Variants in NLGN2 observed in about 807,000 individuals in gnomAD.
NLGN2 encodes the protein neuroligin-2.
Under a neutral mutation model 48.6 loss-of-function variants are expected in NLGN2, and 11 were observed. That is an observed-to-expected ratio of 0.23 (90% CI 0.14 to 0.37). The LOEUF is 0.37. Among genes scored for constraint, NLGN2 ranks in the 10% least tolerant of loss-of-function variants. NLGN2 has a pLI of 1.00. For missense variants in NLGN2, 801 were observed against 1,225.2 expected (o/e 0.65, Z 5.17); for synonymous variants, 548 against 550.0 (o/e 1.00, Z 0.05).
intron 1 of NLGN2, among the ~76,000 whole-genome samples, chr17:7,410,824 GCA>G (rs138952410): frequency 8.5e-5 from 13 of 152,194 alleles, no homozygotes; most frequent in South Asian, 2.1e-4. Flanking sequence ...GCGCGCGCGC[GCA>G]CACACACACG....
Position 7,418,116 on chromosome 17 carries a change from T to G in NLGN2, c.*317T>G. On this transcript the variant is annotated 3_prime_UTR_variant, in exon 7 of 7. Transcript: ENST00000302926. ...TCTCACAACGGGGTGTGTTTTCCCATGTGCAGGGTGAGGTTTTTTTTTGCC... is the reference window on the plus strand; with the variant it reads ...TCTCACAACGGGGTGTGTTTTCCCAGGTGCAGGGTGAGGTTTTTTTTTGCC... 1.0e-5 allele frequency: 2 copies of G among 190,532 alleles called. No homozygotes were observed. Among genetic ancestry groups the G allele is most frequent in the South Asian group, 1.9e-4 (1 of 5,198 alleles). The allele number at this position is 190,532 out of a possible 1,614,324, so 11.8% of individuals were successfully genotyped here.
Position 7,408,861 on chromosome 17 carries a change from C to A in NLGN2, c.457+149C>A. The A allele has an allele frequency of 7.1e-7, 1 of 1,417,936 alleles. No individual in the cohort carries two copies. Among genetic ancestry groups the A allele is most frequent in the Non-Finnish European group, 9.7e-7 (1 of 1,034,430 alleles). 87.8% of individuals were successfully genotyped at this position (1,417,936 alleles called of 1,614,324 possible). A position where few individuals can be genotyped will look rare whatever the true frequency, so the allele number is the denominator to read the frequency against. On this transcript the variant is annotated intron_variant, in intron 1 of 6. Coordinates refer to ENST00000302926, the MANE Select transcript of NLGN2 (RefSeq NM_020795.4). The surrounding 1 kb of genome is among the most constrained non-coding windows in gnomAD (Gnocchi z 7.5). ...GGAGTGTCCCTGCAACCTCTACGTGCCCCCTGAGGATTGTAAGGGTGCCTC... is the reference window on the plus strand; with the variant it reads ...GGAGTGTCCCTGCAACCTCTACGTGACCCCTGAGGATTGTAAGGGTGCCTC...
At chr17:7,410,815 C>T (rs570729094) in intron 1 of NLGN2, among the ~76,000 whole-genome samples, 14 of 151,104 alleles carry the variant, frequency 9.3e-5, no homozygotes, top group Admixed American at 2.6e-4. Flanking sequence ...TTGACTCAGG[C>T]GCGCGCGCGC....
At chr17:7,409,740 G>A (rs1906799410) in intron 1 of NLGN2, among the ~76,000 whole-genome samples, 1 of 152,058 alleles carries the variant, frequency 6.6e-6, no homozygotes, top group Non-Finnish European at 1.5e-5. Flanking sequence ...TCCACGGCAT[G>A]TGCTCAAGTC....
At position 7,408,076 on chromosome 17, in the gene NLGN2, G is replaced by C; in HGVS notation, c.-180G>C. On this transcript the variant is annotated 5_prime_UTR_variant, in exon 1 of 7. Coordinates refer to ENST00000302926, the MANE Select transcript of NLGN2 (RefSeq NM_020795.4). This position sits in a 1 kb window ranked among gnomAD's most constrained non-coding sequence, Gnocchi z 7.5. ...CCCCACCCCGTGCCCCCTCCATGGA[G>C]AGGAACAGACCCCTTCTCTGTCCAG... 2.7e-6 allele frequency: 1 copy of C among 374,998 alleles called. No homozygotes were observed. Among genetic ancestry groups the C allele is most frequent in the Non-Finnish European group, 4.7e-6 (1 of 212,638 alleles). 23.2% of individuals were successfully genotyped at this position (374,998 alleles called of 1,614,324 possible).
chr17:7,417,043 C>A lies in NLGN2; in HGVS notation c.1752C>A (p.Gly584=), dbSNP rs1259513731. 1.2e-6 allele frequency: 2 copies of A among 1,614,034 alleles called. No individual in the cohort carries two copies. Among genetic ancestry groups the A allele is most frequent in the African/African-American group, 2.7e-5 (2 of 74,946 alleles). The change falls in exon 7 of 7, where the codon GGC becomes GGA. Residue 584 remains glycine, a synonymous_variant. Transcript: ENST00000302926. ...NSKEKQYLHI[G]LKPRVRDNYR... is the part of the protein sequence containing the mutation. ...AGGAGAAGCAGTATCTGCACATAGG[C>A]CTGAAGCCACGCGTGCGTGACAACT...
At chr17:7,406,799 G>C (rs1346615825), upstream of NLGN2, among the ~76,000 whole-genome samples, 1 of 152,122 alleles carries the variant, frequency 6.6e-6, no homozygotes, top group Non-Finnish European at 1.5e-5. Context: ...TGAATGGATG[G>C]GTTGGGATGG....
At chr17:7,410,502 T>G (rs1906838220) in intron 1 of NLGN2, among the ~76,000 whole-genome samples, 1 of 151,670 alleles carries the variant, frequency 6.6e-6, no homozygotes, top group African/African-American at 2.4e-5. Context: ...CATGAGTCCT[T>G]CACCTCAGCA....
rs777369347 is a variant in NLGN2 at position 7,412,196 on chromosome 17, C to T, written c.497C>T (p.Pro166Leu). The T allele has an allele frequency of 6.2e-6, 10 of 1,612,616 alleles. No individual in the cohort carries two copies. Among genetic ancestry groups the T allele is most frequent in the African/African-American group, 1.3e-5 (1 of 74,714 alleles). Residue 166 changes from proline (P) to leucine (L), a missense_variant, in exon 2 of 7, where the codon CCG becomes CTG. This residue lies in a region of NLGN2 where 56 missense variants were observed against 100.0 expected (regional missense o/e 0.56). Transcript: ENST00000302926. The stretch of plus-strand genomic sequence containing the variant: ...AAACGTGACGAGGCGACGCTCAATC[C>T]GCCAGACACAGGTAGATTTAAAAAT... Reference protein sequence around the residue: ...TKKRDEATLNPPDTDIRDPGK... With the variant: ...TKKRDEATLNLPDTDIRDPGK...
At chr17:7,407,266 G>T (rs1567658653), upstream of NLGN2, among the ~76,000 whole-genome samples, 1 of 152,148 alleles carries the variant, frequency 6.6e-6, no homozygotes, top group African/African-American at 2.4e-5. Context: ...CCCGGCAACC[G>T]GCTGCAGGAT....
chr17:7,405,122 G>A (rs574304418), upstream of NLGN2: 2 of 152,162 alleles, frequency 1.3e-5, no homozygotes, highest in South Asian at 4.1e-4. The surrounding 1 kb of genome is among the most constrained non-coding windows in gnomAD (Gnocchi z 6.8). Context: ...CCGCCCTCGG[G>A]ATCGACTAGA....
In NLGN2 at chr17:7,417,838, G is replaced by T; in HGVS notation, c.*39G>T. ...AGGCCCTCCTCCCCGGCCCTCCCTG[G>T]CCCGGCCACTCCGAAGGCAGGGAGG... On this transcript the variant is annotated 3_prime_UTR_variant, in exon 7 of 7. Coordinates refer to ENST00000302926, the MANE Select transcript of NLGN2 (RefSeq NM_020795.4). The T allele has an allele frequency of 1.5e-6, 2 of 1,350,286 alleles. No homozygotes were observed. Among genetic ancestry groups the T allele is most frequent in the Non-Finnish European group, 1.9e-6 (2 of 1,058,938 alleles). 83.6% of individuals were successfully genotyped at this position (1,350,286 alleles called of 1,614,324 possible). A position where few individuals can be genotyped will look rare whatever the true frequency, so the allele number is the denominator to read the frequency against.
rs898024490 is a variant in NLGN2 at position 7,418,129 on chromosome 17, GT to G, written c.*339del. The G allele has an allele frequency of 1.3e-4, 24 of 181,430 alleles. No homozygotes were observed. The highest frequency in any genetic ancestry group is 1.9e-4 in the African/African-American group (8 of 42,362). 11.2% of individuals were successfully genotyped at this position (181,430 alleles called of 1,614,324 possible). A position where few individuals can be genotyped will look rare whatever the true frequency, so the allele number is the denominator to read the frequency against. ...TGTGTTTTCCCATGTGCAGGGTGAG[GT>G]TTTTTTTTGCCACCCTGGACACATG... On this transcript the variant is annotated 3_prime_UTR_variant, in exon 7 of 7. Transcript: ENST00000302926.
rs1212109712 is a variant in NLGN2, at chr17:7,417,954, G to A, written c.*155G>A. The stretch of plus-strand genomic sequence containing the variant: ...CATGGGATTCCTCCCTGCGATGCGT[G>A]TCTTTCCCACGCAGAGAAGCCCAGT... On this transcript the variant is annotated 3_prime_UTR_variant, in exon 7 of 7. Transcript: ENST00000302926. 15 of 609,268 alleles carry A rather than the reference G, an allele frequency of 2.5e-5. No homozygotes were observed. The highest frequency in any genetic ancestry group is 2.9e-5 in the Non-Finnish European group (12 of 418,066). The allele number at this position is 609,268 out of a possible 1,614,324, so 37.7% of individuals were successfully genotyped here. A position where few individuals can be genotyped will look rare whatever the true frequency, so the allele number is the denominator to read the frequency against.
Position 7,412,144 on chromosome 17 carries a change from T to C in NLGN2, c.458-13T>C. The C allele has an allele frequency of 6.2e-7, 1 of 1,606,122 alleles. No individual in the cohort carries two copies. The highest frequency in any genetic ancestry group is 1.1e-5 in the South Asian group (1 of 90,782). ...ATTGTCCTTTTTTCTCTGTTTTGTG[T>C]TCCCGGTCTTAGGTCCGCTCACAAA... is the stretch of plus-strand genomic sequence containing the variant. On this transcript the variant is annotated splice_polypyrimidine_tract_variant and intron_variant, in intron 1 of 6. Transcript: ENST00000302926.
Position 7,416,119 on chromosome 17 carries a change from A to T in NLGN2, c.1634+12A>T. ...TTCGCCAAGACTGGGTGAGGGCCAG[A>T]GGGGCTGGGCGGGGCTGGGCGGGGC... On this transcript the variant is annotated intron_variant, in intron 6 of 6. Coordinates refer to ENST00000302926, the MANE Select transcript of NLGN2 (RefSeq NM_020795.4). 49 of 462,566 alleles carry T rather than the reference A, an allele frequency of 1.1e-4. No homozygotes were observed. The highest frequency in any genetic ancestry group is 1.7e-4 in the Non-Finnish European group (40 of 235,180). 28.7% of individuals were successfully genotyped at this position (462,566 alleles called of 1,614,324 possible).
At chr17:7,416,825 C>T in intron 6 of NLGN2, 101 bp from the exon 7 acceptor site, 1 of 1,408,696 alleles carries the variant, frequency 7.1e-7, no homozygotes, top group Non-Finnish European at 9.8e-7. Context: ...TGCTGTCCCC[C>T]TGTCTCTCTG....
intron 2 of NLGN2, 148 bp downstream of exon 2, chr17:7,412,355 A>C (rs981132178): frequency 2.3e-5 from 16 of 689,594 alleles, no homozygotes; most frequent in Admixed American, 5.3e-5. Context: ...AAAATGTTTA[A>C]TAATTGGAAA....
chr17:7,412,411 C>T (rs913960384), intron 2 of NLGN2, among the ~76,000 whole-genome samples: 1 of 151,966 alleles, frequency 6.6e-6, no homozygotes, highest in African/African-American at 2.4e-5. Flanking sequence ...ATGTTGGACC[C>T]AGTAGAAAAC....
Sources: allele counts gnomAD v4.1 joint callset (sites outside exome capture counted in the v4.1 genomes callset), GRCh38; gene constraint gnomAD v4.1.1; regional missense constraint gnomAD v4.1.1; non-coding constraint Gnocchi (gnomAD v3.1); transcripts MANE v1.5; gene names NCBI Gene and HGNC (gene_info 2026-07-23, HGNC 2026-07-21).